The following PTCD2 variants were observed in gnomAD, a reference collection of about 807,000 sequenced individuals.
PTCD2 encodes the protein pentatricopeptide repeat-containing protein 2, mitochondrial.
In PTCD2, 31 loss-of-function variants were observed where a neutral mutation model predicts 42.6. That is an observed-to-expected ratio of 0.73 (90% CI 0.55 to 0.98). The LOEUF (loss-of-function observed/expected upper bound fraction) is 0.98, where lower values mean the gene tolerates loss of function less well. Among genes scored for constraint, PTCD2 ranks in the 50% least tolerant of loss-of-function variants. The pLI is 0.00. For synonymous variants in PTCD2, 183 were observed against 170.9 expected (o/e 1.07, Z -0.55); for missense variants, 476 against 454.8 (o/e 1.05, Z -0.42).
At chr5:72,348,313 A>G (rs1752460820) in intron 8 of PTCD2, among the ~76,000 whole-genome samples, 1 of 152,226 alleles carries the variant, frequency 6.6e-6, no homozygotes, top group African/African-American at 2.4e-5. Context: ...TAGGCTGAGT[A>G]GTGTCTGTTT....
rs571077777 is a variant in PTCD2 at position 72,344,498 on chromosome 5, G to C, written c.828+1462G>C. On this transcript the variant is annotated intron_variant, in intron 8 of 9. Coordinates refer to ENST00000380639, the MANE Select transcript of PTCD2 (RefSeq NM_024754.5). ...ACTACACTCCAGCCTTGGCGACAGA[G>C]CAAGACTCCATCTCAAAAAAAAGAA... is the stretch of plus-strand genomic sequence containing the variant. Among the ~76,000 whole-genome samples the C allele has an allele frequency of 2.0e-5, 3 of 152,236 alleles. No individual in the cohort carries two copies. The East Asian group carries it at 5.8e-4, about 29-fold the overall frequency.
rs1753067271 is a variant in PTCD2, at chr5:72,360,516, C to T, written c.*2089C>T. 6.6e-6 allele frequency: 1 copy of T among 152,154 alleles called. No homozygotes were observed. The highest frequency in any genetic ancestry group is 6.6e-5 in the Admixed American group (1 of 15,264). The allele number at this position is 152,154 out of a possible 1,614,324, so 9.4% of individuals were successfully genotyped here. ...CAGAGGTAGCTATATGCATAATGTTCACCCCAAAGTAATAGATGATTTTAA... is the reference window on the plus strand; with the variant it reads ...CAGAGGTAGCTATATGCATAATGTTTACCCCAAAGTAATAGATGATTTTAA... On this transcript the variant is annotated 3_prime_UTR_variant, in exon 10 of 10. Coordinates refer to ENST00000380639, the MANE Select transcript of PTCD2 (RefSeq NM_024754.5).
At position 72,335,832 on chromosome 5, in the gene PTCD2, G is replaced by A; in HGVS notation, c.586G>A (p.Val196Met). 1.2e-6 allele frequency: 2 copies of A among 1,613,930 alleles called. No homozygotes were observed. The highest frequency in any genetic ancestry group is 1.7e-6 in the Non-Finnish European group (2 of 1,179,818). Residue 196 changes from valine (V) to methionine (M), a missense_variant, in exon 6 of 10, where the codon GTG becomes ATG. Transcript: ENST00000380639. The part of the protein sequence containing the change: ...QVLIEMKNQD[V>M]KFTKDTYVLA... ...ATTGATAGAGATGAAAAACCAAGAT[G>A]TGAAGTTCACCAAAGATACCTATGT...
intron 9 of PTCD2, among the ~76,000 whole-genome samples, chr5:72,354,523 A>T (rs1489551872): frequency 6.6e-6 from 1 of 152,048 alleles, no homozygotes; most frequent in African/African-American, 2.4e-5. Flanking sequence ...TTTCGAAAAG[A>T]TTCTCTTGCC....
rs200935537 is a variant in PTCD2, at chr5:72,342,935, A to G, written c.754-27A>G. ...AATAACATTAGTTCCTATGATATGGAATATGATTTGTTTCTCTTCCTTCTA... is the reference window on the plus strand; with the variant it reads ...AATAACATTAGTTCCTATGATATGGGATATGATTTGTTTCTCTTCCTTCTA... On this transcript the variant is annotated intron_variant, in intron 7 of 9. Coordinates refer to ENST00000380639, the MANE Select transcript of PTCD2 (RefSeq NM_024754.5). The G allele has an allele frequency of 9.3e-5, 133 of 1,425,458 alleles. No homozygotes were observed. In the African/African-American group the frequency reaches 1.5e-3, roughly 16 times the overall value. 88.3% of individuals were successfully genotyped at this position (1,425,458 alleles called of 1,614,324 possible).
In PTCD2 at chr5:72,322,182, C is replaced by T; in HGVS notation, c.138C>T (p.Tyr46=). 1 of 1,569,700 alleles carries T rather than the reference C, an allele frequency of 6.4e-7. No homozygotes were observed. The highest frequency in any genetic ancestry group is 1.7e-5 in the Admixed American group (1 of 59,202). ...SCRCPLGAKR[Y]LLTDNVVKLK... ...TTCTCTGATTTTTAGCTAAAAGATA[C>T]CTACTTACAGATAATGTGGTGAAAT... The change falls in exon 2 of 10, where the codon TAC becomes TAT. Residue 46 remains tyrosine (Y), a synonymous_variant. Transcript: ENST00000380639.
rs550327615 is a variant in PTCD2 at position 72,357,752 on chromosome 5, T to A, written c.943-451T>A. Among the ~76,000 whole-genome samples the A allele has an allele frequency of 5.3e-5, 8 of 152,268 alleles. No homozygotes were observed. In the South Asian group the frequency reaches 8.3e-4, roughly 16 times the overall value. On this transcript the variant is annotated intron_variant, in intron 9 of 9. Coordinates refer to ENST00000380639, the MANE Select transcript of PTCD2 (RefSeq NM_024754.5). The stretch of plus-strand genomic sequence containing the variant: ...AGGTATGATTTTCAAGTACTAATTT[T>A]GAATTTTGTGTGTAGCTTTTGGAAT...
chr5:72,338,328 GA>G (rs1751865448), intron 6 of PTCD2, among the ~76,000 whole-genome samples: 1 of 152,158 alleles, frequency 6.6e-6, no homozygotes, highest in Non-Finnish European at 1.5e-5. Context: ...TCTTTGTCTA[GA>G]AACTAGCCTG....
In PTCD2 at chr5:72,365,793, A is replaced by G. The variant is rs562350146; in HGVS notation, c.*7366A>G. On this transcript the variant is annotated 3_prime_UTR_variant, in exon 10 of 10. Transcript: ENST00000380639. Reference sequence around the variant, plus strand: ...GAGAGCAGAGAAAATGTCATTTCCAATTTAGAAGATCATAATCGATTTTTA... The same window carrying G: ...GAGAGCAGAGAAAATGTCATTTCCAGTTTAGAAGATCATAATCGATTTTTA... The G allele has an allele frequency of 1.3e-5, 2 of 152,222 alleles. No homozygotes were observed. Among genetic ancestry groups the G allele is most frequent in the Non-Finnish European group, 2.9e-5 (2 of 68,048 alleles). 9.4% of individuals were successfully genotyped at this position (152,222 alleles called of 1,614,324 possible).
At chr5:72,356,301 A>G (rs1021581343) in intron 9 of PTCD2, among the ~76,000 whole-genome samples, 3 of 152,254 alleles carry the variant, frequency 2.0e-5, no homozygotes, top group African/African-American at 7.2e-5. Context: ...AACAAACTTT[A>G]TATTGAAAAA....
At position 72,361,309 on chromosome 5, in the gene PTCD2, G is replaced by A. The variant is rs1209867266; in HGVS notation, c.*2882G>A. Reference sequence around the variant, plus strand: ...GCTCAGCCAGACAGTTCTTATTCGGGTTCTCATGCAGTTATAGTCATCATC... The same window carrying A: ...GCTCAGCCAGACAGTTCTTATTCGGATTCTCATGCAGTTATAGTCATCATC... On this transcript the variant is annotated 3_prime_UTR_variant, in exon 10 of 10. Coordinates refer to ENST00000380639, the MANE Select transcript of PTCD2 (RefSeq NM_024754.5). The A allele has an allele frequency of 6.6e-6, 1 of 152,158 alleles. No individual in the cohort carries two copies. Among genetic ancestry groups the A allele is most frequent in the Admixed American group, 6.5e-5 (1 of 15,284 alleles). 9.4% of individuals were successfully genotyped at this position (152,158 alleles called of 1,614,324 possible). A position where few individuals can be genotyped will look rare whatever the true frequency, so the allele number is the denominator to read the frequency against.
In PTCD2 at chr5:72,338,304, C is replaced by T. The variant is rs143687116; in HGVS notation, c.640-318C>T. On this transcript the variant is annotated intron_variant, in intron 6 of 9. Transcript: ENST00000380639. ...TAGTAGCAGGCAGAACCTTTATACT[C>T]ATAAATTATGGGGTCTTTGTCTAGA... Among the ~76,000 whole-genome samples, 370 of 152,326 alleles carry T rather than the reference C, an allele frequency of 2.4e-3. 1 individual carries two copies. The highest frequency in any genetic ancestry group is 8.6e-3 in the African/African-American group (356 of 41,566).
intron 9 of PTCD2, among the ~76,000 whole-genome samples, chr5:72,356,497 C>T (rs992603123): frequency 1.0e-4 from 3 of 29,464 alleles, no homozygotes; most frequent in East Asian, 9.9e-4. Context: ...ATATTGTAAA[C>T]GTCTGCATTT....
chr5:72,330,091 C>T (rs2112143377), intron 3 of PTCD2, among the ~76,000 whole-genome samples: 1 of 151,854 alleles, frequency 6.6e-6, no homozygotes, highest in African/African-American at 2.4e-5. Context: ...CGCCACCACG[C>T]CCGGCTAATT....
intron 8 of PTCD2, among the ~76,000 whole-genome samples, chr5:72,347,106 G>A (rs1328736796): frequency 6.6e-6 from 1 of 152,146 alleles, no homozygotes; most frequent in African/African-American, 2.4e-5. Flanking sequence ...TCAAGGGTAA[G>A]TAAATTACCT....
chr5:72,323,524 A>C, intron 2 of PTCD2, among the ~76,000 whole-genome samples: 1 of 151,628 alleles, frequency 6.6e-6, no homozygotes, highest in Non-Finnish European at 1.5e-5. Flanking sequence ...GAACACATCT[A>C]AGACTTTCCT....
At chr5:72,341,960 G>C (rs1420415733) in intron 7 of PTCD2, among the ~76,000 whole-genome samples, 2 of 151,958 alleles carry the variant, frequency 1.3e-5, no homozygotes, top group African/African-American at 2.4e-5. Flanking sequence ...CAGGAGAATG[G>C]CGTGAACCTG....
intron 8 of PTCD2, among the ~76,000 whole-genome samples, chr5:72,349,449 A>T (rs1752513777): frequency 3.3e-5 from 5 of 152,214 alleles, no homozygotes; most frequent in Admixed American, 3.3e-4. Context: ...GAGAGAATGG[A>T]TATTGGTTAG....
chr5:72,354,857 A>C (rs916652261), intron 9 of PTCD2, among the ~76,000 whole-genome samples: 2 of 152,260 alleles, frequency 1.3e-5, no homozygotes, highest in African/African-American at 4.8e-5. Context: ...AACTAGTTGT[A>C]CAAATTAGGG....
Sources: allele counts gnomAD v4.1 joint callset (sites outside exome capture counted in the v4.1 genomes callset), GRCh38; gene constraint gnomAD v4.1.1; transcripts MANE v1.5; gene names NCBI Gene and HGNC (gene_info 2026-07-23, HGNC 2026-07-21).